MYO18B: variants seen among roughly 807,000 people sequenced by gnomAD.
The protein encoded by MYO18B is myosin XVIIIB.
MYO18B carries 204 observed loss-of-function variants against 273.0 expected under a neutral mutation model. The ratio of observed to expected loss-of-function variants is 0.75; its 90% CI spans 0.67 to 0.84. The LOEUF (loss-of-function observed/expected upper bound fraction) is 0.84. Among genes scored for constraint, MYO18B ranks in the 40% least tolerant of loss-of-function variants. MYO18B has a pLI of 0.00. For synonymous variants in MYO18B, 1,330 were observed against 1,305.7 expected (o/e 1.02, Z -0.40); for missense variants, 3,212 against 3,287.6 (o/e 0.98, Z 0.56).
chr22:26,045,610 T>A, the MYO18B span, among the ~76,000 whole-genome samples: 11 of 152,304 alleles, frequency 7.2e-5, no homozygotes, highest in East Asian at 1.9e-3. Context: ...CTCTGTTAAG[T>A]CATTATCCGA....
chr22:26,046,042 T>C, the MYO18B span, among the ~76,000 whole-genome samples: 6 of 152,266 alleles, frequency 3.9e-5, no homozygotes, highest in African/African-American at 1.2e-4. Flanking sequence ...TAATTGCATA[T>C]GTGCCTGACT....
intron 31 of MYO18B, among the ~76,000 whole-genome samples, chr22:25,905,757 A>G (rs920993652): frequency 2.0e-5 from 3 of 152,172 alleles, no homozygotes; most frequent in African/African-American, 7.2e-5. Context: ...TGTACAATCA[A>G]ATATGGAGCC....
intron 33 of MYO18B, among the ~76,000 whole-genome samples, chr22:25,912,024 T>A (rs562027532): frequency 1.6e-4 from 24 of 152,346 alleles, no homozygotes; most frequent in African/African-American, 5.8e-4. Flanking sequence ...TTAGTAATGG[T>A]CTTGTTATCA....
chr22:25,917,506 C>T (rs1442394404), intron 33 of MYO18B, among the ~76,000 whole-genome samples: 1 of 150,458 alleles, frequency 6.6e-6, no homozygotes, highest in Non-Finnish European at 1.5e-5. Flanking sequence ...GTCAGTTTAC[C>T]TGCAAGACTT....
In MYO18B at chr22:26,027,268, G is replaced by A. The variant is rs761805704; in HGVS notation, c.7294G>A (p.Asp2432Asn). The change falls in exon 43 of 44, where the codon GAC (aspartate) becomes AAC (asparagine). Residue 2432 changes from aspartate to asparagine, a missense_variant. Physicochemically the swap from Asp to Asn is conservative, Grantham distance 23. Transcript: ENST00000335473. This position sits in a 1 kb window ranked among gnomAD's most constrained non-coding sequence, Gnocchi z 4.1. The part of the protein sequence containing the change: ...DPFSWKLPSL[D>N]YERKTKVDFD... ...ATTCAGCTGGAAACTCCCAAGCCTCGACTACGAACGCAAGACCAAAGTGGA... is the reference window on the plus strand; with the variant it reads ...ATTCAGCTGGAAACTCCCAAGCCTCAACTACGAACGCAAGACCAAAGTGGA... 3.2e-5 allele frequency: 52 copies of A among 1,613,850 alleles called. No homozygotes were observed. Among genetic ancestry groups the A allele is most frequent in the Non-Finnish European group, 3.7e-5 (44 of 1,179,894 alleles).
chr22:25,847,562 G>A lies in MYO18B; in HGVS notation c.3685G>A (p.Ala1229Thr), dbSNP rs777901978. 1.8e-5 allele frequency: 28 copies of A among 1,569,202 alleles called. No individual in the cohort carries two copies. The East Asian group carries it at 6.2e-4, about 35-fold the overall frequency. Residue 1229 changes from alanine (A) to threonine (T), a missense_variant, in exon 20 of 44, where the codon GCA becomes ACA. Ala to Thr is a moderately conservative substitution (Grantham distance 58). Transcript: ENST00000335473. Reference sequence around the variant, plus strand: ...GCAGCCTGGTAGAGACAAGCCTGGGGCAGGTGGACCTCTGGCCCTGGATAT... The same window carrying A: ...GCAGCCTGGTAGAGACAAGCCTGGGACAGGTGGACCTCTGGCCCTGGATAT... Reference protein sequence around the residue: ...PPQPGRDKPGAGGPLALDIPA... With the variant: ...PPQPGRDKPGTGGPLALDIPA...
chr22:25,945,016 A>T (rs1025498731), intron 34 of MYO18B, among the ~76,000 whole-genome samples: 1 of 152,128 alleles, frequency 6.6e-6, no homozygotes, highest in Non-Finnish European at 1.5e-5. Context: ...CTTTGCTAGG[A>T]TAGGAGGCCT....
chr22:25,995,279 GC>G (rs1334202776), intron 40 of MYO18B, among the ~76,000 whole-genome samples: 2 of 152,126 alleles, frequency 1.3e-5, no homozygotes, highest in African/African-American at 2.4e-5. Context: ...AGGTGGGATG[GC>G]TAATGGGTAC....
At chr22:25,797,919 G>C in intron 11 of MYO18B, 34 bp from the exon 12 acceptor site, 1 of 1,613,876 alleles carries the variant, frequency 6.2e-7, no homozygotes, top group Non-Finnish European at 8.5e-7. Flanking sequence ...CATCGCGATG[G>C]CCTTGTTTTC....
intron 42 of MYO18B, among the ~76,000 whole-genome samples, chr22:26,024,711 C>T (rs1459170356): frequency 6.6e-6 from 1 of 152,160 alleles, no homozygotes; most frequent in East Asian, 1.9e-4. Context: ...ACACAGGCCC[C>T]CAGCCTGGGG....
At chr22:25,845,195 C>G (rs2090198159) in intron 18 of MYO18B, among the ~76,000 whole-genome samples, 1 of 152,204 alleles carries the variant, frequency 6.6e-6, no homozygotes, top group Non-Finnish European at 1.5e-5. Context: ...GGGTAGGCCA[C>G]TCTGCTTTAC....
intron 27 of MYO18B, 141 bp downstream of exon 27, chr22:25,891,553 G>A (rs936406337): frequency 1.8e-5 from 11 of 626,762 alleles, no homozygotes; most frequent in East Asian, 2.8e-5. Context: ...CAGGCACAGC[G>A]TACTCTCTTG....
chr22:25,789,716 TAC>T (rs368027576), intron 11 of MYO18B, among the ~76,000 whole-genome samples: 1 of 151,556 alleles, frequency 6.6e-6, no homozygotes, highest in Non-Finnish European at 1.5e-5. Flanking sequence ...AAAACCAGAA[TAC>T]ACACACACAC....
At chr22:25,808,779 G>C (rs1171907611) in intron 12 of MYO18B, among the ~76,000 whole-genome samples, 1 of 152,218 alleles carries the variant, frequency 6.6e-6, no homozygotes, top group African/African-American at 2.4e-5. Flanking sequence ...CATCTGTAAA[G>C]TGGGGATAAT....
intron 1 of MYO18B, among the ~76,000 whole-genome samples, chr22:25,753,026 A>G (rs1024583568): frequency 6.6e-6 from 1 of 152,180 alleles, no homozygotes; most frequent in Non-Finnish European, 1.5e-5. Context: ...ACCGTGCCTC[A>G]GCCGCCTCCC....
rs1555944183 is a variant in MYO18B, at chr22:25,917,545, G to GGGGTGTGTGT, written c.5365-3711_5365-3710insGGTGTGTGTG. Among the ~76,000 whole-genome samples, 1,039 of 142,220 alleles carry GGGGTGTGTGT rather than the reference G, an allele frequency of 7.3e-3. 5 individuals carry two copies. The highest frequency in any genetic ancestry group is 0.015 in the South Asian group (62 of 4,254). 93.3% of individuals were successfully genotyped at this position (142,220 alleles called of 152,430 possible). On this transcript the variant is annotated intron_variant, in intron 33 of 43. Coordinates refer to ENST00000335473, the MANE Select transcript of MYO18B (RefSeq NM_032608.7). The stretch of plus-strand genomic sequence containing the variant: ...CTATTTCATTTTAAAGCTTTGTAGG[G>GGGGTGTGTGT]GTGTGTGTGTGTGTGTGTGTGTGTG...
chr22:25,801,437 T>C (rs58821819), intron 12 of MYO18B, among the ~76,000 whole-genome samples: 32,169 of 152,180 alleles, frequency 0.21, 3,857 homozygotes, highest in Middle Eastern at 0.27. Flanking sequence ...ATATGAATCC[T>C]GGCTCAGCCT....
intron 39 of MYO18B, among the ~76,000 whole-genome samples, chr22:25,967,463 A>G (rs373101871): frequency 6.6e-6 from 1 of 152,324 alleles, no homozygotes; most frequent in African/African-American, 2.4e-5. Flanking sequence ...TTTCCAAAGT[A>G]TAATTCGGTT....
chr22:25,882,724 T>C (rs1017809018), intron 25 of MYO18B, among the ~76,000 whole-genome samples: 7 of 152,222 alleles, frequency 4.6e-5, no homozygotes, highest in Non-Finnish European at 1.0e-4. Flanking sequence ...TACTGGTTTA[T>C]GTCGGTCACT....
Sources: allele counts gnomAD v4.1 joint callset (sites outside exome capture counted in the v4.1 genomes callset), GRCh38; gene constraint gnomAD v4.1.1; non-coding constraint Gnocchi (gnomAD v3.1); transcripts MANE v1.5; gene names NCBI Gene and HGNC (gene_info 2026-07-23, HGNC 2026-07-21).